The following GSE1 variants were observed in gnomAD, a reference collection of about 807,000 sequenced individuals.
The protein encoded by GSE1 is genetic suppressor element 1.
GSE1 carries 32 observed loss-of-function variants against 112.6 expected under a neutral mutation model. That is an observed-to-expected ratio of 0.28 (90% CI 0.21 to 0.38). The LOEUF (loss-of-function observed/expected upper bound fraction) is 0.38, where lower values mean the gene tolerates loss of function less well. Ranked by LOEUF, GSE1 falls within the 10% of genes least tolerant of loss-of-function variation. The probability of loss-of-function intolerance (pLI) is 1.00; values close to 1 mark genes in which losing one functional copy is unlikely to be tolerated. For synonymous variants in GSE1, 1,115 were observed against 735.6 expected (o/e 1.52, Z -8.35); for missense variants, 2,348 against 1,699.2 (o/e 1.38, Z -6.71).
intron 1 of GSE1, among the ~76,000 whole-genome samples, chr16:85,178,058 CAG>C (rs1449928474): frequency 6.6e-6 from 1 of 152,202 alleles, no homozygotes; most frequent in East Asian, 1.9e-4. Context: ...CCCCTGACCT[CAG>C]GGTGCTGGTG....
intron 1 of GSE1, among the ~76,000 whole-genome samples, chr16:85,200,119 C>T (rs534099369): frequency 2.0e-5 from 3 of 152,240 alleles, no homozygotes; most frequent in South Asian, 2.1e-4. Flanking sequence ...TTCCTTCACC[C>T]GCTTGCTGAC....
intron 2 of GSE1, among the ~76,000 whole-genome samples, chr16:85,461,086 C>T (rs954240421): frequency 6.6e-6 from 1 of 152,240 alleles, no homozygotes; most frequent in Non-Finnish European, 1.5e-5. Flanking sequence ...GCACCTGCTT[C>T]GGGCAAGCCC....
rs1164194274 is a variant in GSE1 at position 85,673,333 on chromosome 16, T to C, written c.*794T>C. ...GCTTCAGCCTTGTACTGTGTATATATATTAAAAAAAAAACAAAGTTTTGTA... is the reference window on the plus strand; with the variant it reads ...GCTTCAGCCTTGTACTGTGTATATACATTAAAAAAAAAACAAAGTTTTGTA... On this transcript the variant is annotated 3_prime_UTR_variant, in exon 16 of 16. Coordinates refer to ENST00000253458, the MANE Select transcript of GSE1 (RefSeq NM_014615.5). The C allele has an allele frequency of 1.3e-5, 2 of 152,300 alleles. No individual in the cohort carries two copies. The highest frequency in any genetic ancestry group is 2.9e-5 in the Non-Finnish European group (2 of 67,984). The allele number at this position is 152,300 out of a possible 1,614,324, so 9.4% of individuals were successfully genotyped here.
At chr16:85,382,431 C>T (rs796584876) in intron 2 of GSE1, among the ~76,000 whole-genome samples, 10 of 152,302 alleles carry the variant, frequency 6.6e-5, no homozygotes, top group African/African-American at 2.2e-4. Flanking sequence ...CATGGTGACC[C>T]GCTGCCCCTG....
At chr16:85,207,082 G>C (rs959117791) in intron 1 of GSE1, among the ~76,000 whole-genome samples, 2 of 152,192 alleles carry the variant, frequency 1.3e-5, no homozygotes, top group Non-Finnish European at 2.9e-5. Context: ...TCTTGGTGAT[G>C]GGGACAGGCT....
chr16:85,668,534 G>T (rs969089777), intron 14 of GSE1, 110 bp downstream of exon 14: 31 of 722,158 alleles, frequency 4.3e-5, no homozygotes, highest in Middle Eastern at 7.9e-4. Flanking sequence ...CTGTTTCTCC[G>T]TCCTGGGGCA....
At chr16:85,363,411 G>C (rs1445165831) in intron 2 of GSE1, among the ~76,000 whole-genome samples, 1 of 152,214 alleles carries the variant, frequency 6.6e-6, no homozygotes, top group Non-Finnish European at 1.5e-5. Context: ...GCTTGCTCCA[G>C]GCTTTGGGGA....
chr16:85,359,016 C>G (rs1253009483), intron 2 of GSE1, among the ~76,000 whole-genome samples: 1 of 151,894 alleles, frequency 6.6e-6, no homozygotes, highest in African/African-American at 2.4e-5. Context: ...TGGGGATTAA[C>G]TCAGCCAGGA....
chr16:85,200,407 C>A (rs2075006073), intron 1 of GSE1, among the ~76,000 whole-genome samples: 1 of 145,740 alleles, frequency 6.9e-6, no homozygotes, highest in Admixed American at 6.8e-5. Context: ...CAAGTATCCT[C>A]CATCTCCTTG....
exon 1 of GSE1, chr16:85,170,958 A>G: frequency 1.0e-6 from 1 of 985,454 alleles, no homozygotes; most frequent in Non-Finnish European, 1.2e-6. Flanking sequence ...GGGCCCTGCG[A>G]GAGGCCTGCT....
intron 1 of GSE1, among the ~76,000 whole-genome samples, chr16:85,215,809 G>A (rs976875145): frequency 3.9e-5 from 6 of 152,164 alleles, no homozygotes; most frequent in Non-Finnish European, 7.3e-5. Context: ...TGGAGGGCTA[G>A]CCTAGGACTC....
chr16:85,206,621 A>G (rs1434913040), intron 1 of GSE1, among the ~76,000 whole-genome samples: 4 of 152,068 alleles, frequency 2.6e-5, no homozygotes, highest in Non-Finnish European at 5.9e-5. Flanking sequence ...GGGGGCCCCT[A>G]CAGCATGGGC....
chr16:85,239,291 G>A (rs1786168332), intron 1 of GSE1, among the ~76,000 whole-genome samples: 1 of 152,214 alleles, frequency 6.6e-6, no homozygotes, highest in South Asian at 2.1e-4. Context: ...GGTGGCCAGA[G>A]CTGGGCATTT....
intron 1 of GSE1, among the ~76,000 whole-genome samples, chr16:85,295,159 C>T (rs1327332163): frequency 6.6e-6 from 1 of 152,174 alleles, no homozygotes; most frequent in South Asian, 2.1e-4. Context: ...CAAAAGGAAA[C>T]CCCACACTCA....
At chr16:85,338,223 C>T (rs548783942) in intron 1 of GSE1, among the ~76,000 whole-genome samples, 110 of 152,354 alleles carry the variant, frequency 7.2e-4, no homozygotes, top group Middle Eastern at 3.4e-3. Context: ...GGCAGATCTT[C>T]CCCCTCAGCA....
chr16:85,272,158 T>C (rs9889089), intron 1 of GSE1, among the ~76,000 whole-genome samples: 111,973 of 152,206 alleles, frequency 0.74, 41,939 homozygotes, highest in African/African-American at 0.88. Flanking sequence ...CGAGGAAGCC[T>C]AGGCTCCCTT....
intron 15 of GSE1, chr16:85,671,972 C>T (rs1262831395): frequency 1.1e-5 from 2 of 186,212 alleles, no homozygotes; most frequent in African/African-American, 4.7e-5. Flanking sequence ...CTGGAAGAGC[C>T]AGGGACAGAA....
At chr16:85,593,828 A>G (rs1333548654) in intron 1 of GSE1, 1 of 152,112 alleles carries the variant, frequency 6.6e-6, no homozygotes, top group African/African-American at 2.4e-5. Context: ...CTTTTGTTAC[A>G]CCTGCCATCT....
intron 1 of GSE1, among the ~76,000 whole-genome samples, chr16:85,347,181 G>A (rs139296992): frequency 5.3e-5 from 8 of 152,182 alleles, no homozygotes; most frequent in South Asian, 2.1e-4. Flanking sequence ...AGATGAGCAG[G>A]TATGGGGCAG....
Sources: allele counts gnomAD v4.1 joint callset (sites outside exome capture counted in the v4.1 genomes callset), GRCh38; gene constraint gnomAD v4.1.1; transcripts MANE v1.5; gene names NCBI Gene and HGNC (gene_info 2026-07-23, HGNC 2026-07-21).